The following RAVER2 variants were observed in gnomAD, a reference collection of about 807,000 sequenced individuals.
RAVER2 encodes ribonucleoprotein, PTB binding 2, also known as ribonucleoprotein PTB-binding 2.
A neutral mutation model predicts 78.1 loss-of-function variants in RAVER2; 46 were observed. The observed-to-expected ratio is 0.59, with a 90% CI of 0.46 to 0.75. The LOEUF is 0.75. Among genes scored for constraint, RAVER2 ranks in the 30% least tolerant of loss-of-function variants. The pLI, the probability that RAVER2 is intolerant of heterozygous loss-of-function variation, is 0.00. For missense variants in RAVER2, 793 were observed against 837.5 expected, an observed-to-expected ratio of 0.95 and a Z score of 0.66; for synonymous variants, 311 against 313.3, an observed-to-expected ratio of 0.99 and a Z score of 0.08.
At chr1:64,804,828 A>T in exon 7 of RAVER2, 1 of 1,547,830 alleles carries the variant, frequency 6.5e-7, no homozygotes, top group Non-Finnish European at 8.9e-7. Flanking sequence ...GAGAATATTC[A>T]TACTAATAAT....
intron 1 of RAVER2, among the ~76,000 whole-genome samples, chr1:64,746,123 A>T (rs1039241075): frequency 6.6e-6 from 1 of 152,198 alleles, no homozygotes; most frequent in African/African-American, 2.4e-5. Context: ...TGTTGCTTTT[A>T]AGATTAGAAA....
intron 11 of RAVER2, among the ~76,000 whole-genome samples, chr1:64,820,555 C>G (rs1653860027): frequency 1.3e-5 from 2 of 151,410 alleles, no homozygotes; most frequent in Non-Finnish European, 2.9e-5. Context: ...TGCTGCTCTC[C>G]CTCCTCCCAC....
intron 5 of RAVER2, among the ~76,000 whole-genome samples, chr1:64,800,437 T>C (rs1653230626): frequency 6.6e-6 from 1 of 152,192 alleles, no homozygotes; most frequent in African/African-American, 2.4e-5. Flanking sequence ...CATTTAAGTT[T>C]TTAATAGATT....
chr1:64,801,078 A>G (rs1174606755), intron 5 of RAVER2, among the ~76,000 whole-genome samples: 1 of 149,160 alleles, frequency 6.7e-6, no homozygotes, highest in Admixed American at 6.7e-5. Flanking sequence ...TATATTTTAT[A>G]TATATATATA....
At chr1:64,768,411 G>C (rs1331196048) in intron 1 of RAVER2, among the ~76,000 whole-genome samples, 3 of 152,016 alleles carry the variant, frequency 2.0e-5, no homozygotes, top group African/African-American at 7.2e-5. Context: ...AAAGAGAACA[G>C]TGCATGGTAT....
intron 11 of RAVER2, among the ~76,000 whole-genome samples, chr1:64,818,640 C>T (rs1229285559): frequency 2.6e-5 from 4 of 152,136 alleles, no homozygotes; most frequent in Non-Finnish European, 5.9e-5. Context: ...GAGAATTATT[C>T]CTTGAAACAG....
intron 11 of RAVER2, among the ~76,000 whole-genome samples, chr1:64,817,004 T>A (rs1653771779): frequency 6.6e-6 from 1 of 152,184 alleles, no homozygotes; most frequent in South Asian, 2.1e-4. Context: ...AATCTACTCA[T>A]CTGACAAAGG....
At chr1:64,772,183 T>A (rs182785117) in intron 2 of RAVER2, among the ~76,000 whole-genome samples, 2 of 152,232 alleles carry the variant, frequency 1.3e-5, no homozygotes, top group East Asian at 1.9e-4. Context: ...TGAATTTTTT[T>A]ATTTTTTATT....
intron 11 of RAVER2, among the ~76,000 whole-genome samples, chr1:64,826,421 T>C (rs889827990): frequency 6.6e-6 from 1 of 152,208 alleles, no homozygotes; most frequent in Admixed American, 6.5e-5. Context: ...TGAATATCTA[T>C]GTAAAGTACA....
chr1:64,829,977 C>T (rs1654085699), intron 11 of RAVER2, among the ~76,000 whole-genome samples: 1 of 152,110 alleles, frequency 6.6e-6, no homozygotes, highest in African/African-American at 2.4e-5. Context: ...GCTGGCTGCA[C>T]TTTTAAAAAT....
intron 2 of RAVER2, among the ~76,000 whole-genome samples, chr1:64,770,495 A>G (rs139172436): frequency 5.9e-5 from 9 of 152,150 alleles, no homozygotes; most frequent in African/African-American, 1.9e-4. Context: ...GAATATTTGT[A>G]TGCATCCAAA....
chr1:64,772,823 G>A (rs1430173973), intron 2 of RAVER2, among the ~76,000 whole-genome samples: 1 of 152,138 alleles, frequency 6.6e-6, no homozygotes, highest in East Asian at 1.9e-4. Context: ...AAGGGAGGAA[G>A]TATGGCAGTT....
At chr1:64,764,892 G>A (rs528044945) in intron 1 of RAVER2, among the ~76,000 whole-genome samples, 1 of 152,306 alleles carries the variant, frequency 6.6e-6, no homozygotes, top group African/African-American at 2.4e-5. Context: ...CATTACTCAA[G>A]TCAACTGATT....
chr1:64,789,658 TAATG>T (rs1043586512), intron 5 of RAVER2, 144 bp downstream of exon 5: 8 of 626,758 alleles, frequency 1.3e-5, no homozygotes, highest in African/African-American at 1.2e-4. Context: ...TAGGACCTGT[TAATG>T]AATTTTAACA....
At chr1:64,778,193 A>G in intron 3 of RAVER2, 101 bp downstream of exon 3, 1 of 908,706 alleles carries the variant, frequency 1.1e-6, no homozygotes, top group Non-Finnish European at 1.6e-6. Context: ...GATTAACACA[A>G]TGGAAATTTA....
chr1:64,830,224 T>G (rs921116539), intron 11 of RAVER2, among the ~76,000 whole-genome samples: 1 of 152,130 alleles, frequency 6.6e-6, no homozygotes, highest in Admixed American at 6.5e-5. Flanking sequence ...TGACCACTTG[T>G]GAGGACATGT....
chr1:64,760,899 C>A (rs1282820285), intron 1 of RAVER2, among the ~76,000 whole-genome samples: 2 of 152,090 alleles, frequency 1.3e-5, no homozygotes, highest in Admixed American at 1.3e-4. Context: ...TCTTAAGGTA[C>A]ACCACTGTAT....
At position 64,745,214 on chromosome 1, in the gene RAVER2, G is replaced by T; in HGVS notation, c.42G>T (p.Ala14=). ...GAGACGGCGGCGGCGAGGGGGGCGCGGGCCTGGGCAGCGCGGCGGGGCTGG... is the reference window on the plus strand; with the variant it reads ...GAGACGGCGGCGGCGAGGGGGGCGCTGGCCTGGGCAGCGCGGCGGGGCTGG... Residue 14 remains alanine, a synonymous_variant, in exon 1 of 12, where the codon GCG becomes GCT. Transcript: ENST00000294428. The surrounding 1 kb of genome is among the most constrained non-coding windows in gnomAD (Gnocchi z 4.3). The T allele has an allele frequency of 8.4e-6, 9 of 1,066,066 alleles. No individual in the cohort carries two copies. The highest frequency in any genetic ancestry group is 1.0e-5 in the Non-Finnish European group (9 of 882,528). 66.0% of individuals were successfully genotyped at this position (1,066,066 alleles called of 1,614,324 possible).
chr1:64,754,218 T>C (rs991742188), intron 1 of RAVER2, among the ~76,000 whole-genome samples: 14 of 152,192 alleles, frequency 9.2e-5, no homozygotes, highest in Middle Eastern at 3.2e-3. Context: ...TTGCCCAAGA[T>C]CATTCAGCTA....
Sources: allele counts gnomAD v4.1 joint callset (sites outside exome capture counted in the v4.1 genomes callset), GRCh38; gene constraint gnomAD v4.1.1; non-coding constraint Gnocchi (gnomAD v3.1); transcripts MANE v1.5; gene names NCBI Gene and HGNC (gene_info 2026-07-23, HGNC 2026-07-21).